KDM2B: variants seen among roughly 807,000 people sequenced by gnomAD.
The protein encoded by KDM2B is lysine-specific demethylase 2B.
Under a neutral mutation model 150.0 loss-of-function variants are expected in KDM2B, and 26 were observed. The observed-to-expected ratio is 0.17, with a 90% CI of 0.13 to 0.24. The LOEUF (loss-of-function observed/expected upper bound fraction) is 0.24, where lower values mean the gene tolerates loss of function less well. Ranked by LOEUF, KDM2B falls within the 10% of genes least tolerant of loss-of-function variation. KDM2B has a pLI of 1.00. For synonymous variants in KDM2B, 734 were observed against 729.5 expected, an observed-to-expected ratio of 1.01 and a Z score of -0.10; for missense variants, 1,265 against 1,816.9, an observed-to-expected ratio of 0.70 and a Z score of 5.52.
intron 11 of KDM2B, among the ~76,000 whole-genome samples, chr12:121,500,231 T>C (rs561203182): frequency 2.6e-5 from 4 of 152,268 alleles, no homozygotes; most frequent in African/African-American, 9.6e-5. Flanking sequence ...CTTGAATTTA[T>C]ACACTCCCTG....
intron 12 of KDM2B, among the ~76,000 whole-genome samples, chr12:121,465,249 C>CAGAG (rs1252395377): frequency 6.6e-6 from 1 of 151,920 alleles, no homozygotes; most frequent in Non-Finnish European, 1.5e-5. Context: ...TTTTTTGAGA[C>CAGAG]AGAGTCTCAC....
intron 12 of KDM2B, chr12:121,470,096 C>T (rs1354961142): frequency 1.4e-5 from 2 of 138,404 alleles, no homozygotes; most frequent in East Asian, 4.1e-4. Flanking sequence ...TATTCTGTCT[C>T]AAAAAAAAAA....
intron 11 of KDM2B, among the ~76,000 whole-genome samples, chr12:121,498,354 G>T (rs559612651): frequency 9.9e-5 from 15 of 152,268 alleles, no homozygotes; most frequent in African/African-American, 3.6e-4. Context: ...GGTGAGGCCT[G>T]TGACAAACTG....
chr12:121,412,165 G>A, the KDM2B span, among the ~76,000 whole-genome samples: 30 of 146,948 alleles, frequency 2.0e-4, no homozygotes, highest in Non-Finnish European at 3.7e-4. Context: ...GGGTTCAAGC[G>A]ATTCTCCTGC....
chr12:121,519,625 G>A (rs1266214022), intron 9 of KDM2B, among the ~76,000 whole-genome samples: 1 of 152,152 alleles, frequency 6.6e-6, no homozygotes, highest in African/African-American at 2.4e-5. Context: ...CCAGGGGAAA[G>A]GTGGGGAGAC....
In KDM2B at chr12:121,580,945, T is replaced by C. The variant is rs1555317944; in HGVS notation, c.-34A>G. ...GGCATTTGGGGGGCTCAGAAGGAAA[T>C]TAGCTCGGCTTCCATACCTATAAGG... On this transcript the variant is annotated 5_prime_UTR_variant, in exon 1 of 23. Transcript: ENST00000377071. 1.2e-6 allele frequency: 2 copies of C among 1,609,392 alleles called. No individual in the cohort carries two copies. The highest frequency in any genetic ancestry group is 1.3e-5 in the African/African-American group (1 of 74,524).
At chr12:121,515,497 A>C (rs1594019758) in intron 9 of KDM2B, among the ~76,000 whole-genome samples, 1 of 40,176 alleles carries the variant, frequency 2.5e-5, no homozygotes, top group Admixed American at 3.2e-4. Context: ...ACACTCTGCC[A>C]CCCCCTAATC....
At chr12:121,532,777 G>A (rs1555308059) in intron 8 of KDM2B, 29 bp downstream of exon 8, 1 of 1,611,980 alleles carries the variant, frequency 6.2e-7, no homozygotes, top group South Asian at 1.1e-5. Flanking sequence ...GAGACTCGAG[G>A]AGCCCAGAGA....
At chr12:121,444,820 C>A in intron 14 of KDM2B, 2 of 518,450 alleles carry the variant, frequency 3.9e-6, no homozygotes, top group Non-Finnish European at 7.0e-6. Context: ...AGTTAGTGTG[C>A]CCATCTCACT....
downstream of KDM2B, among the ~76,000 whole-genome samples, chr12:121,428,743 C>T (rs1453518031): frequency 1.3e-5 from 2 of 152,022 alleles, no homozygotes; most frequent in Non-Finnish European, 2.9e-5. Flanking sequence ...GCATCTGCCA[C>T]TTGGGGAAGC....
At chr12:121,413,830 C>T in the KDM2B span, among the ~76,000 whole-genome samples, 2 of 152,120 alleles carry the variant, frequency 1.3e-5, no homozygotes, top group African/African-American at 4.8e-5. Context: ...CCGCCTCAGC[C>T]TCCCAAAGTG....
chr12:121,421,017 G>T, the KDM2B span, among the ~76,000 whole-genome samples: 32 of 152,058 alleles, frequency 2.1e-4, no homozygotes, highest in Non-Finnish European at 7.4e-5. Flanking sequence ...ATTCAATTTG[G>T]TTTTTCTTAC....
Position 121,516,981 on chromosome 12 carries a change from T to TG in KDM2B, c.1048-3580dup, listed in dbSNP as rs1423036468. On this transcript the variant is annotated intron_variant, in intron 9 of 22. Coordinates refer to ENST00000377071, the MANE Select transcript of KDM2B (RefSeq NM_032590.5). ...AATAGATTCAGTGGCTGTAAGGGAA[T>TG]GGGGCATGTCGGCATTACCTTTTCT... 4 of 612,218 alleles carry TG rather than the reference T, an allele frequency of 6.5e-6. No individual in the cohort carries two copies. The African/African-American group carries it at 7.5e-5, about 12-fold the overall frequency. 37.9% of individuals were successfully genotyped at this position (612,218 alleles called of 1,614,324 possible). A position where few individuals can be genotyped will look rare whatever the true frequency, so the allele number is the denominator to read the frequency against.
intron 6 of KDM2B, among the ~76,000 whole-genome samples, chr12:121,544,275 C>G (rs1431106895): frequency 6.6e-6 from 1 of 151,962 alleles, no homozygotes; most frequent in East Asian, 1.9e-4. Context: ...GCCTGGGCAA[C>G]AAAGCAAGAC....
chr12:121,573,046 G>A (rs1384244938), intron 4 of KDM2B, among the ~76,000 whole-genome samples: 5 of 150,980 alleles, frequency 3.3e-5, no homozygotes, highest in Non-Finnish European at 7.4e-5. Flanking sequence ...GGCTGGTCTC[G>A]AAATCTTGAC....
At chr12:121,580,387 G>A (rs1891879252) in intron 1 of KDM2B, 2 of 1,150,596 alleles carry the variant, frequency 1.7e-6, no homozygotes, top group Non-Finnish European at 2.1e-6. Context: ...GGCCCGAGGA[G>A]GTATGGGGCG....
At chr12:121,532,753 G>A in intron 8 of KDM2B, 53 bp downstream of exon 8, 1 of 1,594,384 alleles carries the variant, frequency 6.3e-7, no homozygotes, top group Non-Finnish European at 8.6e-7. Context: ...CTAAAACCCT[G>A]GCTCAGGCCG....
rs1409632928 is a variant in KDM2B, at chr12:121,453,405, G to C, written c.1735-61C>G. On this transcript the variant is annotated intron_variant, in intron 12 of 22. Coordinates refer to ENST00000377071, the MANE Select transcript of KDM2B (RefSeq NM_032590.5). This position sits in a 1 kb window ranked among gnomAD's most constrained non-coding sequence, Gnocchi z 6.4. Reference sequence around the variant, plus strand: ...GACTGCAGGCACGGCCAGACCCCCGGAAAGGGTGTTAGGGAGCAAACTGTG... The same window carrying C: ...GACTGCAGGCACGGCCAGACCCCCGCAAAGGGTGTTAGGGAGCAAACTGTG... 1.3e-5 allele frequency: 18 copies of C among 1,375,468 alleles called. No individual in the cohort carries two copies. Among genetic ancestry groups the C allele is most frequent in the Non-Finnish European group, 1.8e-5 (18 of 1,010,528 alleles). The allele number at this position is 1,375,468 out of a possible 1,614,324, so 85.2% of individuals were successfully genotyped here.
intron 13 of KDM2B, among the ~76,000 whole-genome samples, chr12:121,447,344 G>A (rs1432743158): frequency 1.3e-5 from 2 of 151,880 alleles, no homozygotes; most frequent in African/African-American, 4.8e-5. Flanking sequence ...TGCCTCCTGG[G>A]TTCAAGCGAT....
Sources: allele counts gnomAD v4.1 joint callset (sites outside exome capture counted in the v4.1 genomes callset), GRCh38; gene constraint gnomAD v4.1.1; non-coding constraint Gnocchi (gnomAD v3.1); transcripts MANE v1.5; gene names NCBI Gene and HGNC (gene_info 2026-07-23, HGNC 2026-07-21).